Variants in GORASP2 observed in about 807,000 individuals in gnomAD.
GORASP2 encodes golgi reassembly stacking protein 2.
In GORASP2, 22 loss-of-function variants were observed where a neutral mutation model predicts 45.7. That is an observed-to-expected ratio of 0.48 (90% CI 0.34 to 0.69). GORASP2 has a LOEUF of 0.69. Among genes scored for constraint, GORASP2 ranks in the 30% least tolerant of loss-of-function variants. The pLI is 0.01. For missense variants in GORASP2, 491 were observed against 562.7 expected (o/e 0.87, Z 1.29); for synonymous variants, 221 against 215.6 (o/e 1.02, Z -0.22).
chr2:170,938,101 C>A (rs766947287), intron 1 of GORASP2, among the ~76,000 whole-genome samples: 1 of 152,196 alleles, frequency 6.6e-6, no homozygotes, highest in African/African-American at 2.4e-5. Flanking sequence ...ATTATTAAAT[C>A]TCTTTCTTAA....
intron 1 of GORASP2, among the ~76,000 whole-genome samples, chr2:170,944,104 G>A (rs1376541934): frequency 6.6e-6 from 1 of 152,174 alleles, no homozygotes; most frequent in African/African-American, 2.4e-5. Context: ...CTTGAAGAAA[G>A]CGAAGATAAA....
chr2:170,940,044 T>C (rs1464945290), intron 1 of GORASP2, among the ~76,000 whole-genome samples: 1 of 152,136 alleles, frequency 6.6e-6, no homozygotes, highest in East Asian at 1.9e-4. Context: ...TCAATGGGGC[T>C]TTTCTGCATT....
At chr2:170,945,242 C>G (rs1049950911) in intron 1 of GORASP2, among the ~76,000 whole-genome samples, 2 of 152,136 alleles carry the variant, frequency 1.3e-5, no homozygotes, top group African/African-American at 4.8e-5. Flanking sequence ...GGGAGGATCA[C>G]TTGAGACTAG....
At chr2:170,953,377 ATAAATAAAAT>A (rs1404413955) in intron 5 of GORASP2, among the ~76,000 whole-genome samples, 1 of 152,062 alleles carries the variant, frequency 6.6e-6, no homozygotes, top group Non-Finnish European at 1.5e-5. Flanking sequence ...AAATAAATAA[ATAAATAAAAT>A]TAAAAAGGCT....
Position 170,949,654 on chromosome 2 carries a change from G to C in GORASP2, c.260G>C (p.Ser87Thr), listed in dbSNP as rs1173331798. 6.2e-7 allele frequency: 1 copy of C among 1,614,014 alleles called. No individual in the cohort carries two copies. The highest frequency in any genetic ancestry group is 1.3e-5 in the African/African-American group (1 of 74,924). The change falls in exon 3 of 10, where the codon AGT becomes ACT. Residue 87 changes from serine (S) to threonine (T), a missense_variant. Coordinates refer to ENST00000234160, the MANE Select transcript of GORASP2 (RefSeq NM_015530.5). The stretch of plus-strand genomic sequence containing the variant: ...CTGCGAGAGACCTCAGTCACACCAA[G>C]TAACCTGTGGGGCGGCCAGGGCTTA... ...LELRETSVTP[S>T]NLWGGQGLLG...
chr2:170,945,501 CAAA>C (rs11396289), intron 1 of GORASP2, among the ~76,000 whole-genome samples: 1 of 125,152 alleles, frequency 8.0e-6, no homozygotes, highest in Non-Finnish European at 1.6e-5. Flanking sequence ...GACCTTGTCT[CAAA>C]AAAAAAAAAA....
chr2:170,941,339 G>A lies in GORASP2; in HGVS notation c.64-7011G>A, dbSNP rs142363715. On this transcript the variant is annotated intron_variant, in intron 1 of 9. Coordinates refer to ENST00000234160, the MANE Select transcript of GORASP2 (RefSeq NM_015530.5). ...TGTTTCTTAATTGTCAAAGTAAATCGTGTGGCCCTAAGAAGAATTGGAAAA... is the reference window on the plus strand; with the variant it reads ...TGTTTCTTAATTGTCAAAGTAAATCATGTGGCCCTAAGAAGAATTGGAAAA... Among the ~76,000 whole-genome samples, 246 of 152,108 alleles carry A rather than the reference G, an allele frequency of 1.6e-3. 3 individuals carry two copies. The highest frequency in any genetic ancestry group is 5.8e-3 in the African/African-American group (241 of 41,508).
chr2:170,966,007 G>A lies in GORASP2; in HGVS notation c.1236G>A (p.Val412=). 1.2e-6 allele frequency: 2 copies of A among 1,613,986 alleles called. No individual in the cohort carries two copies. Among genetic ancestry groups the A allele is most frequent in the South Asian group, 1.1e-5 (1 of 91,080 alleles). ...AKADAASSLT[V]DVTPPTAKAP... The stretch of plus-strand genomic sequence containing the variant: ...CAGACGCTGCCTCCTCACTCACTGT[G>A]GATGTGACGCCCCCCACTGCCAAGG... The change falls in exon 10 of 10, where the codon GTG becomes GTA. Residue 412 remains valine, a synonymous_variant. Coordinates refer to ENST00000234160, the MANE Select transcript of GORASP2 (RefSeq NM_015530.5).
chr2:170,943,955 T>C (rs1704130442), intron 1 of GORASP2, among the ~76,000 whole-genome samples: 1 of 152,190 alleles, frequency 6.6e-6, no homozygotes, highest in African/African-American at 2.4e-5. Context: ...GGATAACAAG[T>C]GTGAGCCACC....
At chr2:170,946,831 T>G (rs1704190824) in intron 1 of GORASP2, among the ~76,000 whole-genome samples, 1 of 151,474 alleles carries the variant, frequency 6.6e-6, no homozygotes, top group African/African-American at 2.4e-5. Flanking sequence ...TCCCAGCTAC[T>G]TGGGAGGCTG....
chr2:170,955,045 A>C (rs1704392894), intron 6 of GORASP2, among the ~76,000 whole-genome samples: 1 of 152,154 alleles, frequency 6.6e-6, no homozygotes, highest in Admixed American at 6.5e-5. Context: ...ATTGGCTGTT[A>C]GGAAACCTGT....
intron 1 of GORASP2, among the ~76,000 whole-genome samples, chr2:170,940,359 CT>C (rs1471481801): frequency 1.3e-5 from 2 of 152,156 alleles, no homozygotes; most frequent in African/African-American, 2.4e-5. Context: ...AGAATGCCCC[CT>C]GACACCCAAC....
At chr2:170,945,619 A>C (rs1704165786) in intron 1 of GORASP2, among the ~76,000 whole-genome samples, 1 of 152,230 alleles carries the variant, frequency 6.6e-6, no homozygotes, top group Non-Finnish European at 1.5e-5. Context: ...AACATAAAAA[A>C]CATGATCAAA....
At chr2:170,943,353 A>G (rs1424972894) in intron 1 of GORASP2, among the ~76,000 whole-genome samples, 1 of 152,230 alleles carries the variant, frequency 6.6e-6, no homozygotes, top group East Asian at 1.9e-4. Context: ...GTGTCCAGGA[A>G]TTGGTTAGCT....
Position 170,949,773 on chromosome 2 carries a change from G to A in GORASP2, c.348+31G>A, listed in dbSNP as rs752095029. ...TATCAACTGTGAACTGTTACTGGAG[G>A]TTCATGAAGCAGTGTGGAAAGATGT... is the stretch of plus-strand genomic sequence containing the variant. On this transcript the variant is annotated intron_variant, in intron 3 of 9. Transcript: ENST00000234160. 2.6e-5 allele frequency: 38 copies of A among 1,444,542 alleles called. 1 individual carries two copies. The South Asian group carries it at 4.2e-4, about 16-fold the overall frequency. The allele number at this position is 1,444,542 out of a possible 1,614,324, so 89.5% of individuals were successfully genotyped here.
chr2:170,954,945 G>T (rs1309095119), intron 6 of GORASP2, among the ~76,000 whole-genome samples, 163 bp downstream of exon 6: 1 of 152,192 alleles, frequency 6.6e-6, no homozygotes, highest in Non-Finnish European at 1.5e-5. Context: ...CTAGATAGAG[G>T]TTAGATATGT....
At chr2:170,958,778 C>T (rs1704486667) in intron 7 of GORASP2, among the ~76,000 whole-genome samples, 1 of 151,718 alleles carries the variant, frequency 6.6e-6, no homozygotes, top group African/African-American at 2.4e-5. Flanking sequence ...AGTTCTCCTG[C>T]CTCAGCCTAA....
chr2:170,940,794 G>A (rs182398018), intron 1 of GORASP2, among the ~76,000 whole-genome samples: 18 of 152,106 alleles, frequency 1.2e-4, no homozygotes, highest in Non-Finnish European at 2.4e-4. Flanking sequence ...AAGAATATAG[G>A]CCTTTATTAT....
At chr2:170,934,441 G>A (rs372742863) in intron 1 of GORASP2, among the ~76,000 whole-genome samples, 1 of 151,824 alleles carries the variant, frequency 6.6e-6, no homozygotes, top group African/African-American at 2.4e-5. Context: ...TGTATTTTTA[G>A]TAGAGGTGGG....
Sources: allele counts gnomAD v4.1 joint callset (sites outside exome capture counted in the v4.1 genomes callset), GRCh38; gene constraint gnomAD v4.1.1; transcripts MANE v1.5; gene names NCBI Gene and HGNC (gene_info 2026-07-23, HGNC 2026-07-21).